The following CCNJL variants were observed in gnomAD, a reference collection of about 807,000 sequenced individuals.
CCNJL encodes the protein cyclin-J-like protein.
In CCNJL, 33 loss-of-function variants were observed where a neutral mutation model predicts 33.4. The ratio of observed to expected loss-of-function variants is 0.99; its 90% confidence interval spans 0.75 to 1.32. The LOEUF is 1.32. CCNJL is among the 40% of genes most tolerant of loss of function. The pLI, the probability that CCNJL is intolerant of heterozygous loss-of-function variation, is 0.00. For synonymous variants in CCNJL, 227 were observed against 220.9 expected, an observed-to-expected ratio of 1.03 and a Z score of -0.24; for missense variants, 512 against 499.7, an observed-to-expected ratio of 1.02 and a Z score of -0.23.
chr5:160,278,903 G>A (rs1168386422), intron 3 of CCNJL, among the ~76,000 whole-genome samples: 3 of 152,222 alleles, frequency 2.0e-5, no homozygotes, highest in East Asian at 1.9e-4. Context: ...GGGGCTGCAC[G>A]TTGATTTGGG....
intron 3 of CCNJL, among the ~76,000 whole-genome samples, chr5:160,265,038 C>T (rs941474041): frequency 6.6e-6 from 1 of 152,080 alleles, no homozygotes; most frequent in South Asian, 2.1e-4. Context: ...TAAAAAAGCC[C>T]GAAAACTTAA....
intron 2 of CCNJL, among the ~76,000 whole-genome samples, chr5:160,282,974 T>TAC (rs1762268502): frequency 6.5e-5 from 3 of 45,946 alleles, no homozygotes; most frequent in South Asian, 1.9e-3. Flanking sequence ...GGAATATATA[T>TAC]ATATATATAT....
chr5:160,271,396 G>A (rs764113571), intron 3 of CCNJL, among the ~76,000 whole-genome samples: 3 of 152,154 alleles, frequency 2.0e-5, no homozygotes, highest in South Asian at 2.1e-4. Flanking sequence ...TGCAGAGCCC[G>A]GAAAGTTAGG....
rs565924224 is a variant in CCNJL at position 160,250,638 on chromosome 5, A to C, written c.*2740T>G. On this transcript the variant is annotated 3_prime_UTR_variant, in exon 6 of 6. Coordinates refer to ENST00000257536, the MANE Select transcript of CCNJL (RefSeq NM_001308173.3). Reference sequence around the variant, plus strand: ...GAGGAGTACGAATCTGACATTTTTCATAACAGCTGATGCTATATCTCATCA... The same window carrying C: ...GAGGAGTACGAATCTGACATTTTTCCTAACAGCTGATGCTATATCTCATCA... The C allele has an allele frequency of 6.6e-6, 1 of 152,246 alleles. No individual in the cohort carries two copies. Among genetic ancestry groups the C allele is most frequent in the East Asian group, 1.9e-4 (1 of 5,192 alleles). The allele number at this position is 152,246 out of a possible 1,614,324, so 9.4% of individuals were successfully genotyped here.
intron 3 of CCNJL, among the ~76,000 whole-genome samples, chr5:160,261,584 T>G (rs1468861905): frequency 6.6e-6 from 1 of 152,120 alleles, no homozygotes; most frequent in Non-Finnish European, 1.5e-5. Context: ...GGGTTGAGGC[T>G]CTGGCCGACT....
chr5:160,303,868 G>A (rs1763008555), intron 2 of CCNJL, among the ~76,000 whole-genome samples: 1 of 152,110 alleles, frequency 6.6e-6, no homozygotes, highest in Non-Finnish European at 1.5e-5. Context: ...GTGTGATTTA[G>A]GAAGACAAAG....
intron 3 of CCNJL, among the ~76,000 whole-genome samples, chr5:160,278,762 G>A (rs1762105462): frequency 6.6e-6 from 1 of 152,188 alleles, no homozygotes; most frequent in Non-Finnish European, 1.5e-5. Context: ...AGCGGGCCGC[G>A]ATGCAGCCCA....
intron 3 of CCNJL, among the ~76,000 whole-genome samples, chr5:160,270,631 CACT>C (rs1761798405): frequency 6.6e-6 from 1 of 152,162 alleles, no homozygotes. Context: ...ATCCCATCAC[CACT>C]GAGGCTAGGA....
chr5:160,253,727 G>A lies in CCNJL; in HGVS notation c.815C>T (p.Pro272Leu). 6.3e-7 allele frequency: 1 copy of A among 1,579,484 alleles called. No homozygotes were observed. Residue 272 changes from proline to leucine, a missense_variant, in exon 6 of 6, where the codon CCC becomes CTC. Pro to Leu is a moderately conservative substitution (Grantham distance 98). Transcript: ENST00000257536. ...SQALAMVPGT[P>L]PTPTQVLFQP... ...GAACAGCACTTGAGTGGGGGTGGGGGGTGTGCCGGGCACCATTGCCAAGGC... is the reference window on the plus strand; with the variant it reads ...GAACAGCACTTGAGTGGGGGTGGGGAGTGTGCCGGGCACCATTGCCAAGGC...
chr5:160,278,352 G>A (rs1487783685), intron 3 of CCNJL, among the ~76,000 whole-genome samples: 2 of 152,082 alleles, frequency 1.3e-5, no homozygotes, highest in Admixed American at 1.3e-4. Flanking sequence ...AGGTGGGGGG[G>A]CAAGAACCCC....
chr5:160,264,019 C>T (rs904528726), intron 3 of CCNJL, among the ~76,000 whole-genome samples: 1 of 150,464 alleles, frequency 6.6e-6, no homozygotes, highest in Admixed American at 6.6e-5. Flanking sequence ...AATCTCGGCT[C>T]ACCATATCTT....
chr5:160,294,163 A>T (rs1454602214), intron 2 of CCNJL, among the ~76,000 whole-genome samples: 5 of 152,184 alleles, frequency 3.3e-5, no homozygotes, highest in African/African-American at 4.8e-5. Context: ...AGGCCTCAGT[A>T]CACAGCACGA....
Position 160,249,810 on chromosome 5 carries a change from T to TA in CCNJL, c.*3567dup. On this transcript the variant is annotated 3_prime_UTR_variant, in exon 6 of 6. Coordinates refer to ENST00000257536, the MANE Select transcript of CCNJL (RefSeq NM_001308173.3). ...TAAATAAATAAATAAATAAATAAAA[T>TA]AAAAATTTAAAAAATCAAACTAAAC... 1 of 143,378 alleles carries TA rather than the reference T, an allele frequency of 7.0e-6. No homozygotes were observed. The highest frequency in any genetic ancestry group is 1.6e-5 in the Non-Finnish European group (1 of 64,344). The allele number at this position is 143,378 out of a possible 1,614,324, so 8.9% of individuals were successfully genotyped here.
chr5:160,303,650 T>C lies in CCNJL; in HGVS notation c.66+8208A>G, dbSNP rs189636283. ...TTGTGAGGGGAATTTTACTTTCTTC[T>C]GTTTGCTTGTATTCATTTTTGCCAT... On this transcript the variant is annotated intron_variant, in intron 2 of 5. Coordinates refer to ENST00000257536, the MANE Select transcript of CCNJL (RefSeq NM_001308173.3). Among the ~76,000 whole-genome samples, 9 of 152,304 alleles carry C rather than the reference T, an allele frequency of 5.9e-5. No homozygotes were observed. In the East Asian group the frequency reaches 1.7e-3, roughly 29 times the overall value.
At chr5:160,265,822 T>A (rs1362903844) in intron 3 of CCNJL, among the ~76,000 whole-genome samples, 1 of 139,598 alleles carries the variant, frequency 7.2e-6, no homozygotes, top group East Asian at 2.1e-4. Flanking sequence ...CACTGCACTC[T>A]AGCCTGGGCG....
At chr5:160,281,403 T>G (rs971356171) in intron 2 of CCNJL, 1 of 154,914 alleles carries the variant, frequency 6.5e-6, no homozygotes, top group Non-Finnish European at 1.4e-5. Context: ...TGCATATACA[T>G]TTTTTTTCTA....
rs1225309279 is a variant in CCNJL at position 160,312,325 on chromosome 5, T to G, written c.-50+39A>C. Reference sequence around the variant, plus strand: ...CTCCCCCGCCGCCCAGCCTTTGTCCTGCTCCCACATCCTGCCCTCGAGCCG... The same window carrying G: ...CTCCCCCGCCGCCCAGCCTTTGTCCGGCTCCCACATCCTGCCCTCGAGCCG... On this transcript the variant is annotated intron_variant, in intron 1 of 5. Transcript: ENST00000257536. 3 of 249,412 alleles carry G rather than the reference T, an allele frequency of 1.2e-5. No homozygotes were observed. The South Asian group carries it at 1.6e-4, about 13-fold the overall frequency. 15.4% of individuals were successfully genotyped at this position (249,412 alleles called of 1,614,324 possible).
intron 2 of CCNJL, among the ~76,000 whole-genome samples, chr5:160,298,573 C>T (rs894499824): frequency 3.3e-5 from 5 of 152,148 alleles, no homozygotes; most frequent in Non-Finnish European, 7.3e-5. Flanking sequence ...CAAATAATTG[C>T]AGAAATAGGT....
intron 3 of CCNJL, among the ~76,000 whole-genome samples, chr5:160,263,615 G>GGACCATAGC (rs1761441905): frequency 1.3e-5 from 2 of 152,278 alleles, no homozygotes; most frequent in African/African-American, 4.8e-5. Context: ...CTCACCCACT[G>GGACCATAGC]GACCATAGCA....
Sources: allele counts gnomAD v4.1 joint callset (sites outside exome capture counted in the v4.1 genomes callset), GRCh38; gene constraint gnomAD v4.1.1; transcripts MANE v1.5; gene names NCBI Gene and HGNC (gene_info 2026-07-23, HGNC 2026-07-21).